LRRC74B: variants seen among roughly 807,000 people sequenced by gnomAD.
The protein encoded by LRRC74B is leucine-rich repeat-containing protein 74B.
LRRC74B carries 30 observed loss-of-function variants against 16.6 expected under a neutral mutation model. The observed-to-expected ratio is 1.80, with a 90% confidence interval of 1.35 to 2.45. The LOEUF is 2.45. Among genes scored for constraint, LRRC74B ranks in the 30% most tolerant of loss-of-function variants. LRRC74B has a pLI of 0.00. For missense variants in LRRC74B, 326 were observed against 202.4 expected, an observed-to-expected ratio of 1.61 and a Z score of -3.71; for synonymous variants, 134 against 86.0, an observed-to-expected ratio of 1.56 and a Z score of -3.09.
chr22:21,056,819 A>T, intron 7 of LRRC74B: 2 of 387,468 alleles, frequency 5.2e-6, no homozygotes, highest in South Asian at 7.1e-5. Flanking sequence ...ACCACATTTC[A>T]TGATGCTTCC....
At chr22:21,056,825 C>G (rs1268734530) in intron 7 of LRRC74B, 1 of 398,442 alleles carries the variant, frequency 2.5e-6, no homozygotes, top group Non-Finnish European at 4.5e-6. Flanking sequence ...TTTCATGATG[C>G]TTCCTTTCCC....
chr22:21,051,687 T>C (rs1453335728), intron 4 of LRRC74B, among the ~76,000 whole-genome samples: 1 of 152,240 alleles, frequency 6.6e-6, no homozygotes, highest in Non-Finnish European at 1.5e-5. Context: ...GCCACTTGTA[T>C]GTGCTGCCTA....
chr22:21,048,110 G>T (rs764709375), intron 3 of LRRC74B, 94 bp downstream of exon 3: 19 of 697,696 alleles, frequency 2.7e-5, no homozygotes, highest in South Asian at 2.0e-4. Flanking sequence ...GTCACCTGGG[G>T]CCTGCTGGTG....
At chr22:21,052,827 C>T (rs1042296143) in intron 5 of LRRC74B, among the ~76,000 whole-genome samples, 6 of 152,212 alleles carry the variant, frequency 3.9e-5, no homozygotes, top group African/African-American at 1.4e-4. Context: ...GTCCCCAGTG[C>T]CAGATACCCT....
chr22:21,047,541 C>A, intron 2 of LRRC74B, 43 bp downstream of exon 2: 1 of 711,136 alleles, frequency 1.4e-6, no homozygotes, highest in Non-Finnish European at 2.6e-6. Flanking sequence ...CGGGGAGAGG[C>A]CTCGGGAGAC....
intron 8 of LRRC74B, among the ~76,000 whole-genome samples, chr22:21,059,255 G>A (rs1291775315): frequency 6.6e-6 from 1 of 152,206 alleles, no homozygotes; most frequent in Non-Finnish European, 1.5e-5. Context: ...GGGCATAGTG[G>A]TATGCACTTG....
chr22:21,061,996 T>C (rs576627632), downstream of LRRC74B: 6 of 152,296 alleles, frequency 3.9e-5, no homozygotes, highest in African/African-American at 1.4e-4. Flanking sequence ...AACCGTATGG[T>C]ATGTGAACGG....
chr22:21,061,788 A>C (rs1266353421), downstream of LRRC74B: 3 of 152,272 alleles, frequency 2.0e-5, no homozygotes, highest in Middle Eastern at 3.4e-3. Flanking sequence ...TATCCATAGC[A>C]ACATTATTTA....
At chr22:21,047,077 A>G (rs764579905) in intron 1 of LRRC74B, among the ~76,000 whole-genome samples, 1 of 151,318 alleles carries the variant, frequency 6.6e-6, no homozygotes, top group Non-Finnish European at 1.5e-5. Flanking sequence ...TGGGTGACAG[A>G]GCAAGAGTCT....
Position 21,055,181 on chromosome 22 carries a change from G to T in LRRC74B, c.927+5G>T, listed in dbSNP as rs1274431610. The T allele has an allele frequency of 2.8e-6, 2 of 715,118 alleles. No homozygotes were observed. Among genetic ancestry groups the T allele is most frequent in the Non-Finnish European group, 5.2e-6 (2 of 384,924 alleles). The allele number at this position is 715,118 out of a possible 1,614,324, so 44.3% of individuals were successfully genotyped here. On this transcript the variant is annotated splice_donor_5th_base_variant and intron_variant, in intron 7 of 8. Transcript: ENST00000442047. Reference sequence around the variant, plus strand: ...CAGACGCTGAGGATTCTTGTAGTGAGTGCTAGCCTGATGACTGAGACACCA... The same window carrying T: ...CAGACGCTGAGGATTCTTGTAGTGATTGCTAGCCTGATGACTGAGACACCA...
At position 21,052,996 on chromosome 22, in the gene LRRC74B, G is replaced by A. The variant is rs184065838; in HGVS notation, c.733-364G>A. On this transcript the variant is annotated intron_variant, in intron 5 of 8. Transcript: ENST00000442047. Reference sequence around the variant, plus strand: ...GCTGGACAGGTTTCATCCAACAGCTGTTCACTGGATCTTGGGATCCCTGCC... The same window carrying A: ...GCTGGACAGGTTTCATCCAACAGCTATTCACTGGATCTTGGGATCCCTGCC... Among the ~76,000 whole-genome samples the A allele has an allele frequency of 1.1e-3, 165 of 152,328 alleles. 2 individuals are homozygous for A. The highest frequency in any genetic ancestry group is 3.5e-3 in the African/African-American group (144 of 41,574).
downstream of LRRC74B, among the ~76,000 whole-genome samples, chr22:21,061,309 A>G (rs555269955): frequency 6.6e-6 from 1 of 151,386 alleles, no homozygotes; most frequent in Admixed American, 6.6e-5. Context: ...CAAGAGCAAA[A>G]CTCTGTCTCA....
chr22:21,061,683 A>G (rs993083018), downstream of LRRC74B: 3 of 152,258 alleles, frequency 2.0e-5, no homozygotes, highest in African/African-American at 7.2e-5. Flanking sequence ...TCAAAAGCTT[A>G]ATCATAGAAT....
chr22:21,060,805 C>T (rs1323759961), downstream of LRRC74B, among the ~76,000 whole-genome samples: 1 of 152,182 alleles, frequency 6.6e-6, no homozygotes, highest in Non-Finnish European at 1.5e-5. Flanking sequence ...GATGCCCAAG[C>T]AAGTCCCTGC....
downstream of LRRC74B, chr22:21,061,686 C>G (rs1275092306): frequency 2.6e-5 from 4 of 152,190 alleles, no homozygotes; most frequent in Admixed American, 1.3e-4. Flanking sequence ...AAAGCTTAAT[C>G]ATAGAATTAC....
intron 5 of LRRC74B, 149 bp from the exon 6 acceptor site, chr22:21,053,211 C>T: frequency 1.7e-6 from 1 of 584,192 alleles, no homozygotes; most frequent in Non-Finnish European, 3.1e-6. Flanking sequence ...GTCTGCATGG[C>T]ACTTTCCTGA....
At position 21,057,362 on chromosome 22, in the gene LRRC74B, G is replaced by GC. The variant is rs1393097787; in HGVS notation, c.1023+164dup. On this transcript the variant is annotated intron_variant, in intron 8 of 8. Coordinates refer to ENST00000442047, the Ensembl canonical transcript of LRRC74B. ...AACGGGACTTGAATGCAGGCATGGG[G>GC]CCACTCAGCTCTGCCCGCTCCAGAC... 9.2e-5 allele frequency among the ~76,000 whole-genome samples: 14 copies of GC among 152,228 alleles called. No homozygotes were observed. The South Asian group carries it at 2.7e-3, about 29-fold the overall frequency.
chr22:21,063,021 A>G (rs1407789837), downstream of LRRC74B: 2 of 145,510 alleles, frequency 1.4e-5, no homozygotes, highest in Non-Finnish European at 3.0e-5. Context: ...AGAGAGTGGG[A>G]ACCTGTCTCG....
At chr22:21,055,294 C>T (rs2148158601) in intron 7 of LRRC74B, 118 bp downstream of exon 7, 1 of 639,470 alleles carries the variant, frequency 1.6e-6, no homozygotes, top group Non-Finnish European at 2.9e-6. Flanking sequence ...CAGGCTGGCT[C>T]ACTCCCTTGC....
Sources: allele counts gnomAD v4.1 joint callset (sites outside exome capture counted in the v4.1 genomes callset), GRCh38; gene constraint gnomAD v4.1.1; transcripts MANE v1.5; gene names NCBI Gene and HGNC (gene_info 2026-07-23, HGNC 2026-07-21).